The following ZC3H6 variants were observed in gnomAD, a reference collection of about 807,000 sequenced individuals.
ZC3H6 encodes the protein zinc finger CCCH domain-containing protein 6.
In ZC3H6, 40 loss-of-function variants were observed where a neutral mutation model predicts 107.7. That is an observed-to-expected ratio of 0.37 (90% confidence interval 0.29 to 0.48). The LOEUF is 0.48. Among genes scored for constraint, ZC3H6 ranks in the 20% least tolerant of loss-of-function variants. ZC3H6 has a pLI of 0.98. For missense variants in ZC3H6, 1,267 were observed against 1,410.4 expected (o/e 0.90, Z 1.63); for synonymous variants, 493 against 487.9 (o/e 1.01, Z -0.14).
At chr2:112,308,727 C>T (rs764376180) in intron 3 of ZC3H6, among the ~76,000 whole-genome samples, 10 of 149,696 alleles carry the variant, frequency 6.7e-5, no homozygotes, top group Non-Finnish European at 1.2e-4. Context: ...CCGCTGTGCC[C>T]GGCCAGAGTA....
chr2:112,288,324 T>C (rs1686648480), intron 1 of ZC3H6, among the ~76,000 whole-genome samples: 1 of 152,214 alleles, frequency 6.6e-6, no homozygotes, highest in African/African-American at 2.4e-5. Context: ...CCCAGTTCAT[T>C]TCTGTGGAAG....
Position 112,310,176 on chromosome 2 carries a change from A to G in ZC3H6, c.613+15A>G, listed in dbSNP as rs1676569397. 1 of 1,608,390 alleles carries G rather than the reference A, an allele frequency of 6.2e-7. No individual in the cohort carries two copies. Among genetic ancestry groups the G allele is most frequent in the African/African-American group, 1.3e-5 (1 of 74,616 alleles). On this transcript the variant is annotated intron_variant, in intron 4 of 11. Coordinates refer to ENST00000409871, the MANE Select transcript of ZC3H6 (RefSeq NM_198581.3). ...AGTTCAGCAAGGTAAGTTTGAAATT[A>G]CAGTCTGTCTTAGAATGTGAGAACC... is the stretch of plus-strand genomic sequence containing the variant.
chr2:112,275,924 G>T lies in ZC3H6; in HGVS notation c.-71G>T, dbSNP rs573096557. On this transcript the variant is annotated 5_prime_UTR_variant, in exon 1 of 12. Transcript: ENST00000409871. ...CAGGTTCCCGCAGGCGGCGCGGGGG[G>T]TCTTCCCCGCGCCCCGCCGCCGCCG... 2 of 1,401,334 alleles carry T rather than the reference G, an allele frequency of 1.4e-6. No homozygotes were observed. The highest frequency in any genetic ancestry group is 1.9e-6 in the Non-Finnish European group (2 of 1,044,432). The allele number at this position is 1,401,334 out of a possible 1,614,324, so 86.8% of individuals were successfully genotyped here.
intron 1 of ZC3H6, among the ~76,000 whole-genome samples, chr2:112,286,751 C>T (rs904980441): frequency 5.3e-5 from 8 of 152,120 alleles, no homozygotes; most frequent in African/African-American, 1.9e-4. Context: ...TTTTGTTATA[C>T]TGTTTAGATA....
In ZC3H6 at chr2:112,324,589, A is replaced by C; in HGVS notation, c.1778A>C (p.Asn593Thr). 1 of 1,611,660 alleles carries C rather than the reference A, an allele frequency of 6.2e-7. No individual in the cohort carries two copies. The highest frequency in any genetic ancestry group is 8.5e-7 in the Non-Finnish European group (1 of 1,178,692). The change falls in exon 10 of 12, where the codon AAC becomes ACC. Residue 593 changes from asparagine to threonine, a missense_variant. Physicochemically the swap from Asn to Thr is moderately conservative, Grantham distance 65 (BLOSUM62 0). This residue lies in a region of ZC3H6 where 925 missense variants were observed against 1,025.7 expected (regional missense o/e 0.90). Transcript: ENST00000409871. ...AACACCAATTATGAGTCCCTGCAAA[A>C]CCCAGCTGAGTTTTACGATAATTAC... ...QLNTNYESLQ[N>T]PAEFYDNYYA... is the part of the protein sequence containing the mutation.
chr2:112,288,875 C>T (rs538886629), intron 1 of ZC3H6, among the ~76,000 whole-genome samples: 1 of 152,266 alleles, frequency 6.6e-6, no homozygotes, highest in South Asian at 2.1e-4. Flanking sequence ...AGGGCAATCA[C>T]CTACCTCACT....
chr2:112,297,573 T>A (rs550536930), intron 1 of ZC3H6, among the ~76,000 whole-genome samples: 3 of 152,340 alleles, frequency 2.0e-5, no homozygotes, highest in Admixed American at 2.0e-4. Context: ...AAAATACTAT[T>A]AATGAATATT....
At chr2:112,299,805 T>A in intron 1 of ZC3H6, 44 bp from the exon 2 acceptor site, 3 of 1,265,518 alleles carry the variant, frequency 2.4e-6, no homozygotes, top group Non-Finnish European at 3.1e-6. Context: ...TCTGTAAGAT[T>A]TGTTTTAGAA....
chr2:112,327,672 G>T (rs1286767954), intron 11 of ZC3H6, among the ~76,000 whole-genome samples: 2 of 152,122 alleles, frequency 1.3e-5, no homozygotes, highest in Non-Finnish European at 2.9e-5. Context: ...AATCCATTTT[G>T]ATTTGATTTT....
chr2:112,326,519 C>T (rs115725223), intron 11 of ZC3H6, among the ~76,000 whole-genome samples: 19,029 of 152,102 alleles, frequency 0.13, 1,351 homozygotes, highest in Non-Finnish European at 0.16. Flanking sequence ...CTCCAGTTCC[C>T]TGTTGTTGCA....
At chr2:112,276,555 G>A (rs1269244022) in intron 1 of ZC3H6, among the ~76,000 whole-genome samples, 1 of 152,180 alleles carries the variant, frequency 6.6e-6, no homozygotes, top group African/African-American at 2.4e-5. Flanking sequence ...GAGATGGCAA[G>A]TTTCAAGTTT....
At chr2:112,317,030 A>G (rs1488797135) in intron 6 of ZC3H6, among the ~76,000 whole-genome samples, 191 bp from the exon 7 acceptor site, 3 of 152,184 alleles carry the variant, frequency 2.0e-5, no homozygotes, top group Admixed American at 1.3e-4. Context: ...TAATGCATGT[A>G]GCTACATCCA....
At chr2:112,317,694 T>C (rs1184564748) in intron 7 of ZC3H6, among the ~76,000 whole-genome samples, 1 of 152,188 alleles carries the variant, frequency 6.6e-6, no homozygotes, top group Non-Finnish European at 1.5e-5. Context: ...ATTGTGAAGA[T>C]TATAAGTCTT....
chr2:112,324,096 A>T, intron 9 of ZC3H6, 56 bp from the exon 10 acceptor site: 1 of 1,501,790 alleles, frequency 6.7e-7, no homozygotes, highest in Non-Finnish European at 8.9e-7. Context: ...AAGTGTTAAC[A>T]TTCTTGTTTG....
chr2:112,331,598 C>G lies in ZC3H6; in HGVS notation c.2680C>G (p.Pro894Ala), dbSNP rs1314950465. Residue 894 changes from proline to alanine, a missense_variant, in exon 12 of 12, where the codon CCA becomes GCA. Pro to Ala is a conservative substitution (Grantham distance 27). Coordinates refer to ENST00000409871, the MANE Select transcript of ZC3H6 (RefSeq NM_198581.3). ...LLPVPLPKPD[P>A]VSSINLPLPP... ...TCCAGTACCTTTACCTAAACCTGATCCAGTGTCTTCAATCAATTTACCTCT... is the reference window on the plus strand; with the variant it reads ...TCCAGTACCTTTACCTAAACCTGATGCAGTGTCTTCAATCAATTTACCTCT... 1 of 1,613,794 alleles carries G rather than the reference C, an allele frequency of 6.2e-7. No individual in the cohort carries two copies. The highest frequency in any genetic ancestry group is 8.5e-7 in the Non-Finnish European group (1 of 1,179,860).
At position 112,338,038 on chromosome 2, in the gene ZC3H6, C is replaced by T. The variant is rs1677164304; in HGVS notation, c.*5550C>T. The T allele has an allele frequency of 6.6e-6, 1 of 151,954 alleles. No individual in the cohort carries two copies. The highest frequency in any genetic ancestry group is 1.5e-5 in the Non-Finnish European group (1 of 68,046). 9.4% of individuals were successfully genotyped at this position (151,954 alleles called of 1,614,324 possible). A position where few individuals can be genotyped will look rare whatever the true frequency, so the allele number is the denominator to read the frequency against. ...GATCTTGGCTCACTGCAACCTCTGC[C>T]TCTGGGTTCAAGCAATTCTCCTGCC... On this transcript the variant is annotated 3_prime_UTR_variant, in exon 12 of 12. Coordinates refer to ENST00000409871, the MANE Select transcript of ZC3H6 (RefSeq NM_198581.3).
At chr2:112,287,920 G>A (rs1686640179) in intron 1 of ZC3H6, among the ~76,000 whole-genome samples, 1 of 151,224 alleles carries the variant, frequency 6.6e-6, no homozygotes, top group African/African-American at 2.4e-5. Flanking sequence ...CATTTTGAAG[G>A]AACTCTTTGT....
chr2:112,291,981 T>C (rs991090506), intron 1 of ZC3H6, among the ~76,000 whole-genome samples: 5 of 152,220 alleles, frequency 3.3e-5, no homozygotes, highest in Admixed American at 3.3e-4. Flanking sequence ...GCCTCCGAAG[T>C]GCTGCGATTA....
chr2:112,326,946 A>G (rs541124288), intron 11 of ZC3H6, among the ~76,000 whole-genome samples: 2 of 152,228 alleles, frequency 1.3e-5, no homozygotes, highest in Admixed American at 6.5e-5. Context: ...GTTGCTTCCA[A>G]ATCTTGGTTA....
Sources: gnomAD v4.1 joint callset for allele counts (sites outside exome capture counted in the v4.1 genomes callset) on GRCh38, gnomAD v4.1.1 for gene constraint, gnomAD v4.1.1 regional missense constraint, MANE v1.5 for transcripts, NCBI Gene and HGNC (gene_info 2026-07-23, HGNC 2026-07-21) for gene names.